The following COX7B2 variants were observed in gnomAD, a reference collection of about 807,000 sequenced individuals.
The protein encoded by COX7B2 is cytochrome c oxidase subunit 7B2, also known as cytochrome c oxidase subunit 7B2, mitochondrial.
For synonymous variants in COX7B2, 37 were observed against 32.1 expected, an observed-to-expected ratio of 1.15 and a Z score of -0.51; for missense variants, 109 against 95.9, an observed-to-expected ratio of 1.14 and a Z score of -0.57.
At chr4:46,820,054 C>T (rs189666104) in intron 2 of COX7B2, among the ~76,000 whole-genome samples, 162 of 152,254 alleles carry the variant, frequency 1.1e-3, no homozygotes, top group African/African-American at 3.8e-3. Flanking sequence ...ACAGACCAGT[C>T]GGGATGGTTT....
At chr4:46,839,513 T>G (rs974930842) in intron 2 of COX7B2, among the ~76,000 whole-genome samples, 12 of 151,946 alleles carry the variant, frequency 7.9e-5, no homozygotes, top group Admixed American at 5.3e-4. Context: ...CCGACACAAG[T>G]AGGTGACCAC....
At chr4:46,751,286 C>T (rs1397190179) in intron 2 of COX7B2, among the ~76,000 whole-genome samples, 1 of 151,894 alleles carries the variant, frequency 6.6e-6, no homozygotes, top group Non-Finnish European at 1.5e-5. Flanking sequence ...ATATGTCATA[C>T]ATCATTTAAA....
At chr4:46,855,846 C>G (rs1205467019) in intron 1 of COX7B2, among the ~76,000 whole-genome samples, 1 of 152,068 alleles carries the variant, frequency 6.6e-6, no homozygotes, top group African/African-American at 2.4e-5. Context: ...TTCTCTGGGT[C>G]TTGGGGTGAC....
At position 46,760,258 on chromosome 4, in the gene COX7B2, A is replaced by G. The variant is rs1338579216; in HGVS notation, c.-49-25017T>C. ...TTCTACTATAAAGACACATGAATACATATGTTTATTGCAGCCCTTTTCACA... is the reference window on the plus strand; with the variant it reads ...TTCTACTATAAAGACACATGAATACGTATGTTTATTGCAGCCCTTTTCACA... On this transcript the variant is annotated intron_variant, in intron 2 of 2. Transcript: ENST00000355591. 2.0e-5 allele frequency among the ~76,000 whole-genome samples: 3 copies of G among 152,178 alleles called. No individual in the cohort carries two copies. The East Asian group carries it at 5.8e-4, about 29-fold the overall frequency.
intron 2 of COX7B2, among the ~76,000 whole-genome samples, chr4:46,816,292 G>T (rs1392882067): frequency 6.6e-6 from 1 of 151,934 alleles, no homozygotes; most frequent in African/African-American, 2.4e-5. Context: ...CATATGCTTT[G>T]TCCTTTCTGG....
chr4:46,855,814 CAG>C (rs1369462400), intron 1 of COX7B2, among the ~76,000 whole-genome samples: 1 of 152,046 alleles, frequency 6.6e-6, no homozygotes, highest in Non-Finnish European at 1.5e-5. Context: ...ACGAGAGAAA[CAG>C]AAAACTGTTT....
intron 1 of COX7B2, among the ~76,000 whole-genome samples, chr4:46,907,051 A>ATGTT (rs1720435631): frequency 6.6e-6 from 1 of 152,154 alleles, no homozygotes. Flanking sequence ...ACTTCTTAAC[A>ATGTT]GTTTCCTATT....
chr4:46,801,988 A>C (rs1718682885), intron 2 of COX7B2, among the ~76,000 whole-genome samples: 1 of 152,108 alleles, frequency 6.6e-6, no homozygotes, highest in Non-Finnish European at 1.5e-5. Flanking sequence ...GCCTAGACAC[A>C]ATAGCCTCTA....
At chr4:46,757,795 C>A (rs1180109018) in intron 2 of COX7B2, among the ~76,000 whole-genome samples, 1 of 151,874 alleles carries the variant, frequency 6.6e-6, no homozygotes, top group African/African-American at 2.4e-5. Flanking sequence ...TATTTGTAGA[C>A]TGAAAAAATA....
intron 2 of COX7B2, among the ~76,000 whole-genome samples, chr4:46,756,362 A>G (rs933898172): frequency 6.6e-6 from 1 of 151,946 alleles, no homozygotes; most frequent in Non-Finnish European, 1.5e-5. Flanking sequence ...AAATCCTAGG[A>G]AAATCCTCTT....
rs554466285 is a variant in COX7B2 at position 46,887,571 on chromosome 4, C to T, written c.-105+21589G>A. 5.1e-3 allele frequency among the ~76,000 whole-genome samples: 779 copies of T among 151,824 alleles called. 5 individuals carry two copies. The highest frequency in any genetic ancestry group is 0.018 in the African/African-American group (744 of 41,390). On this transcript the variant is annotated intron_variant, in intron 1 of 2. Coordinates refer to ENST00000355591, the MANE Select transcript of COX7B2 (RefSeq NM_130902.3). ...CCACAAATACAAAAAATTAGCCGGG[C>T]GTGGTGGCAGGCGCCTGTAGTCCCA...
At position 46,756,630 on chromosome 4, in the gene COX7B2, C is replaced by T. The variant is rs1302826861; in HGVS notation, c.-49-21389G>A. ...CAAGGAAAAAGAAATAGCCCTATTACAAAGTTGGCAAAGGGCATACATTTC... is the reference window on the plus strand; with the variant it reads ...CAAGGAAAAAGAAATAGCCCTATTATAAAGTTGGCAAAGGGCATACATTTC... On this transcript the variant is annotated intron_variant, in intron 2 of 2. Transcript: ENST00000355591. Among the ~76,000 whole-genome samples the T allele has an allele frequency of 2.0e-5, 3 of 151,892 alleles. No homozygotes were observed. In the South Asian group the frequency reaches 6.2e-4, roughly 31 times the overall value.
chr4:46,776,999 T>C (rs1560373741), intron 2 of COX7B2, among the ~76,000 whole-genome samples: 2 of 152,210 alleles, frequency 1.3e-5, no homozygotes, highest in Admixed American at 6.5e-5. Flanking sequence ...TTACCATTTA[T>C]GCCCTTCCAT....
At chr4:46,824,847 A>G (rs747999803) in intron 2 of COX7B2, among the ~76,000 whole-genome samples, 20 of 151,972 alleles carry the variant, frequency 1.3e-4, no homozygotes, top group Non-Finnish European at 2.9e-4. Context: ...ATGTTAAAAA[A>G]CTCTCAATAA....
At chr4:46,893,883 G>C (rs1719592143) in intron 1 of COX7B2, among the ~76,000 whole-genome samples, 1 of 152,052 alleles carries the variant, frequency 6.6e-6, no homozygotes, top group South Asian at 2.1e-4. Flanking sequence ...GCCAAGCCAA[G>C]AGCCAAATCA....
chr4:46,842,726 C>T (rs371429701), intron 2 of COX7B2, among the ~76,000 whole-genome samples: 6 of 151,902 alleles, frequency 3.9e-5, no homozygotes, highest in Admixed American at 6.6e-5. Context: ...ACAAAGGACA[C>T]GAACTCATCA....
At chr4:46,768,322 C>T (rs535748601) in intron 2 of COX7B2, among the ~76,000 whole-genome samples, 66 of 152,290 alleles carry the variant, frequency 4.3e-4, no homozygotes, top group African/African-American at 1.1e-3. Flanking sequence ...GCCGTCCCCA[C>T]GCAAATTCCA....
chr4:46,821,578 A>C (rs963231201), intron 2 of COX7B2, among the ~76,000 whole-genome samples: 6 of 152,226 alleles, frequency 3.9e-5, no homozygotes, highest in Non-Finnish European at 7.3e-5. Context: ...CTGTGCAACA[A>C]GTTCCCTAAT....
chr4:46,833,945 T>G (rs192007431), intron 2 of COX7B2, among the ~76,000 whole-genome samples: 5 of 152,216 alleles, frequency 3.3e-5, no homozygotes, highest in African/African-American at 1.2e-4. Flanking sequence ...TGTAAAGATG[T>G]AGCTATAAAC....
Sources: allele counts gnomAD v4.1 joint callset (sites outside exome capture counted in the v4.1 genomes callset), GRCh38; gene constraint gnomAD v4.1.1; transcripts MANE v1.5; gene names NCBI Gene and HGNC (gene_info 2026-07-23, HGNC 2026-07-21).